The following TRPS1 variants were observed in gnomAD, a reference collection of about 807,000 sequenced individuals.
TRPS1 encodes transcriptional repressor GATA binding 1.
A neutral mutation model predicts 101.2 loss-of-function variants in TRPS1; 6 were observed. That is an observed-to-expected ratio of 0.06 (90% CI 0.03 to 0.12). The LOEUF is 0.12. Among genes scored for constraint, TRPS1 ranks in the 10% least tolerant of loss-of-function variants. The probability of loss-of-function intolerance (pLI) is 1.00; values close to 1 mark genes in which losing one functional copy is unlikely to be tolerated. For synonymous variants in TRPS1, 578 were observed against 589.8 expected (o/e 0.98, Z 0.29); for missense variants, 1,363 against 1,567.0 (o/e 0.87, Z 2.20).
At chr8:115,576,866 T>G (rs1396496472) in intron 5 of TRPS1, among the ~76,000 whole-genome samples, 1 of 152,178 alleles carries the variant, frequency 6.6e-6, no homozygotes, top group African/African-American at 2.4e-5. Flanking sequence ...CATAAAGTTA[T>G]GACAGTATTA....
rs1367163056 is a variant in TRPS1, at chr8:115,414,067, T to G, written c.3841A>C (p.Arg1281=). The G allele has an allele frequency of 6.2e-7, 1 of 1,613,708 alleles. No homozygotes were observed. The highest frequency in any genetic ancestry group is 1.3e-5 in the African/African-American group (1 of 74,890). ...TTTTTTTCCACTTGTGCATTGTTCC[T>G]ATGCAGGCCCCTCTGGATATGTGTT... ...FTTHIQRGLH[R]NNAQVEKNGK... The change falls in exon 7 of 7, where the codon AGG becomes CGG. Residue 1281 remains arginine, a synonymous_variant. Coordinates refer to ENST00000395715, the MANE Select transcript of TRPS1 (RefSeq NM_014112.5). This position sits in a 1 kb window ranked among gnomAD's most constrained non-coding sequence, Gnocchi z 4.8.
intron 5 of TRPS1, among the ~76,000 whole-genome samples, chr8:115,537,700 C>A (rs1387326396): frequency 3.3e-5 from 5 of 152,088 alleles, no homozygotes; most frequent in African/African-American, 9.7e-5. Context: ...AAAATATAAT[C>A]CAGGAAATTC....
intron 2 of TRPS1, among the ~76,000 whole-genome samples, chr8:115,621,808 A>G (rs1818399743): frequency 6.6e-6 from 1 of 151,442 alleles, no homozygotes; most frequent in Non-Finnish European, 1.5e-5. Flanking sequence ...CCCAGCTACT[A>G]GGGAGGCTGA....
At chr8:115,430,478 C>T (rs1813292629) in intron 5 of TRPS1, among the ~76,000 whole-genome samples, 1 of 151,876 alleles carries the variant, frequency 6.6e-6, no homozygotes. Flanking sequence ...CACATACAAG[C>T]ATTATGCTTT....
At chr8:115,666,887 G>C (rs1238707824) in intron 1 of TRPS1, among the ~76,000 whole-genome samples, 3 of 151,202 alleles carry the variant, frequency 2.0e-5, no homozygotes, top group Non-Finnish European at 4.4e-5. Flanking sequence ...TGTTCACCTG[G>C]TGTGTTTACA....
intron 1 of TRPS1, among the ~76,000 whole-genome samples, chr8:115,628,649 T>C (rs1818562866): frequency 6.6e-6 from 1 of 151,830 alleles, no homozygotes; most frequent in Non-Finnish European, 1.5e-5. Context: ...GTTGGATAAG[T>C]AACAGGCTTA....
intron 5 of TRPS1, among the ~76,000 whole-genome samples, chr8:115,505,950 G>GGA (rs1815432875): frequency 6.6e-6 from 1 of 152,040 alleles, no homozygotes; most frequent in South Asian, 2.1e-4. Flanking sequence ...GGTAGAAGGG[G>GGA]AAAACTTCAA....
intron 5 of TRPS1, among the ~76,000 whole-genome samples, chr8:115,430,675 A>C (rs1251956512): frequency 6.6e-6 from 1 of 152,130 alleles, no homozygotes; most frequent in African/African-American, 2.4e-5. Flanking sequence ...AATTTGCAAA[A>C]TGTGTAGAAA....
chr8:115,450,743 C>T (rs1042800957), intron 5 of TRPS1, among the ~76,000 whole-genome samples: 15 of 152,190 alleles, frequency 9.9e-5, no homozygotes, highest in Admixed American at 5.9e-4. Flanking sequence ...AGTGGTTCCA[C>T]ACACATGTGC....
chr8:115,475,266 TTATATATATATA>T (rs33922102), intron 5 of TRPS1, among the ~76,000 whole-genome samples: 4,347 of 123,998 alleles, frequency 0.035, 345 homozygotes, highest in African/African-American at 0.14. Context: ...TGAATCACAG[TTATATATATATA>T]TATATATATA....
chr8:115,533,077 T>C (rs1816174003), intron 5 of TRPS1, among the ~76,000 whole-genome samples: 1 of 152,152 alleles, frequency 6.6e-6, no homozygotes, highest in Non-Finnish European at 1.5e-5. Flanking sequence ...GAGTCCCAGG[T>C]GTTCTGCACT....
At chr8:115,623,815 A>C in intron 1 of TRPS1, 57 bp from the exon 2 acceptor site, 1 of 1,385,248 alleles carries the variant, frequency 7.2e-7, no homozygotes, top group Middle Eastern at 2.6e-4. Flanking sequence ...ACATATTTTC[A>C]TGTATCACAC....
At chr8:115,451,876 T>G (rs969291732) in intron 5 of TRPS1, among the ~76,000 whole-genome samples, 2 of 152,178 alleles carry the variant, frequency 1.3e-5, no homozygotes, top group Non-Finnish European at 2.9e-5. Context: ...CCCAGGGAAT[T>G]GCATCTAATA....
At chr8:115,584,047 CAGAA>C (rs934307776) in intron 5 of TRPS1, among the ~76,000 whole-genome samples, 3 of 152,024 alleles carry the variant, frequency 2.0e-5, no homozygotes, top group Non-Finnish European at 4.4e-5. Context: ...AAAAAGTTAT[CAGAA>C]AGACTAATAT....
intron 5 of TRPS1, among the ~76,000 whole-genome samples, chr8:115,513,776 A>G (rs2130194685): frequency 6.6e-6 from 1 of 151,742 alleles, no homozygotes; most frequent in African/African-American, 2.4e-5. Flanking sequence ...CAAATCAGAA[A>G]TCAGAGTCTC....
At chr8:115,562,749 GA>G (rs1171856430) in intron 5 of TRPS1, among the ~76,000 whole-genome samples, 1 of 151,546 alleles carries the variant, frequency 6.6e-6, no homozygotes, top group Non-Finnish European at 1.5e-5. Flanking sequence ...AACAAAAGGA[GA>G]AAAAAAGGAG....
chr8:115,481,762 T>A (rs963423324), intron 5 of TRPS1, among the ~76,000 whole-genome samples: 2 of 152,130 alleles, frequency 1.3e-5, no homozygotes, highest in South Asian at 2.1e-4. Flanking sequence ...CATCTGTTTT[T>A]CCCCCCTCTG....
At chr8:115,487,165 T>G (rs1442036444) in intron 5 of TRPS1, among the ~76,000 whole-genome samples, 1 of 152,178 alleles carries the variant, frequency 6.6e-6, no homozygotes, top group Non-Finnish European at 1.5e-5. Flanking sequence ...GCCTGTTTTC[T>G]GTAATGGGAC....
chr8:115,429,385 C>A (rs1813264727), intron 5 of TRPS1, among the ~76,000 whole-genome samples: 1 of 152,194 alleles, frequency 6.6e-6, no homozygotes. Flanking sequence ...CGTAAAAATT[C>A]TCTCTTCAGT....
Sources: gnomAD v4.1 joint callset for allele counts (sites outside exome capture counted in the v4.1 genomes callset) on GRCh38, gnomAD v4.1.1 for gene constraint, Gnocchi (gnomAD v3.1) non-coding constraint, MANE v1.5 for transcripts, NCBI Gene and HGNC (gene_info 2026-07-23, HGNC 2026-07-21) for gene names.